The following CPQ variants were observed in gnomAD, a reference collection of about 807,000 sequenced individuals.
CPQ encodes the protein Ser-Met dipeptidase.
In CPQ, 37 loss-of-function variants were observed where a neutral mutation model predicts 45.7. That is an observed-to-expected ratio of 0.81 (90% confidence interval 0.62 to 1.07). CPQ has a LOEUF of 1.07. Among genes scored for constraint, CPQ ranks in the 50% least tolerant of loss-of-function variants. The pLI, the probability that CPQ is intolerant of heterozygous loss-of-function variation, is 0.00. For missense variants in CPQ, 537 were observed against 572.9 expected (o/e 0.94, Z 0.64); for synonymous variants, 186 against 205.8 (o/e 0.90, Z 0.82).
At chr8:97,137,315 C>G (rs1235036872) in intron 7 of CPQ, among the ~76,000 whole-genome samples, 1 of 152,186 alleles carries the variant, frequency 6.6e-6, no homozygotes, top group Non-Finnish European at 1.5e-5. Context: ...CTTTAAGAAG[C>G]TCTGACTGGG....
At chr8:96,793,348 G>A (rs1810877749) in intron 2 of CPQ, among the ~76,000 whole-genome samples, 1 of 152,174 alleles carries the variant, frequency 6.6e-6, no homozygotes, top group Non-Finnish European at 1.5e-5. Context: ...GTGGCAGAAA[G>A]TGAAAGGCAT....
At chr8:96,927,142 T>C (rs1481662874) in intron 4 of CPQ, among the ~76,000 whole-genome samples, 9 of 152,224 alleles carry the variant, frequency 5.9e-5, no homozygotes, top group Admixed American at 5.2e-4. Flanking sequence ...ATTCTATTTA[T>C]ATACTGCCTT....
At chr8:96,904,407 G>GTTTTTGT (rs1443595917) in intron 4 of CPQ, among the ~76,000 whole-genome samples, 1 of 152,048 alleles carries the variant, frequency 6.6e-6, no homozygotes, top group Non-Finnish European at 1.5e-5. Flanking sequence ...TTGTTGTTTT[G>GTTTTTGT]TTTTTGTTTT....
At chr8:96,677,089 G>A (rs550399406) in intron 1 of CPQ, among the ~76,000 whole-genome samples, 3 of 152,194 alleles carry the variant, frequency 2.0e-5, no homozygotes, top group Non-Finnish European at 4.4e-5. Context: ...GGGCACTTTG[G>A]TTGGTTCCAT....
intron 2 of CPQ, among the ~76,000 whole-genome samples, chr8:96,797,608 A>G (rs1163695730): frequency 1.3e-5 from 2 of 152,174 alleles, no homozygotes; most frequent in African/African-American, 4.8e-5. Flanking sequence ...TGTTTGTCAC[A>G]TTTGCCATAT....
intron 4 of CPQ, among the ~76,000 whole-genome samples, chr8:96,910,680 A>C (rs1292131851): frequency 2.0e-5 from 3 of 152,024 alleles, no homozygotes; most frequent in Non-Finnish European, 1.5e-5. Context: ...AATTTTTTGT[A>C]TATTTAGTAG....
intron 1 of CPQ, among the ~76,000 whole-genome samples, chr8:96,678,434 T>C (rs905135825): frequency 6.6e-6 from 1 of 152,186 alleles, no homozygotes; most frequent in East Asian, 1.9e-4. Context: ...AAACACCCAA[T>C]AGTGGGATTG....
intron 3 of CPQ, among the ~76,000 whole-genome samples, chr8:96,843,373 G>A (rs1247147106): frequency 6.6e-6 from 1 of 152,086 alleles, no homozygotes; most frequent in Non-Finnish European, 1.5e-5. Flanking sequence ...GGGATTGAGG[G>A]AAGGAAGAAA....
At chr8:96,883,167 C>T (rs1812251922) in intron 4 of CPQ, among the ~76,000 whole-genome samples, 2 of 152,132 alleles carry the variant, frequency 1.3e-5, no homozygotes, top group South Asian at 4.1e-4. Context: ...TTCGTTTATC[C>T]ATTCAGCAAT....
intron 1 of CPQ, among the ~76,000 whole-genome samples, chr8:96,766,626 G>A (rs144944426): frequency 1.5e-3 from 222 of 152,282 alleles, no homozygotes; most frequent in Non-Finnish European, 2.4e-3. Context: ...AAAAGAATGA[G>A]TTAGTAATGA....
At chr8:97,060,405 A>T (rs987462803) in intron 6 of CPQ, among the ~76,000 whole-genome samples, 17 of 152,122 alleles carry the variant, frequency 1.1e-4, no homozygotes, top group Non-Finnish European at 1.6e-4. Flanking sequence ...CTCAACCCTG[A>T]GCAGATATTA....
chr8:96,688,669 C>T (rs899606699), intron 1 of CPQ, among the ~76,000 whole-genome samples: 7 of 152,050 alleles, frequency 4.6e-5, no homozygotes, highest in African/African-American at 1.4e-4. Flanking sequence ...GCAAAATTGA[C>T]GGTACTATAT....
intron 3 of CPQ, among the ~76,000 whole-genome samples, chr8:96,849,129 T>C (rs1811738614): frequency 6.6e-6 from 1 of 152,234 alleles, no homozygotes; most frequent in Non-Finnish European, 1.5e-5. Flanking sequence ...ATGCATTTGC[T>C]CTTTGAGCTC....
At chr8:96,938,149 T>C (rs1017415796) in intron 4 of CPQ, among the ~76,000 whole-genome samples, 5 of 152,226 alleles carry the variant, frequency 3.3e-5, no homozygotes, top group Non-Finnish European at 7.4e-5. Flanking sequence ...TTCTCTTGTG[T>C]ATCTTTTTAG....
At chr8:96,874,250 C>A (rs1301140621) in intron 3 of CPQ, among the ~76,000 whole-genome samples, 1 of 151,720 alleles carries the variant, frequency 6.6e-6, no homozygotes, top group African/African-American at 2.4e-5. Context: ...TACTAGGATT[C>A]TCTCCTTAAA....
At chr8:97,072,225 T>G (rs1278516283) in intron 7 of CPQ, among the ~76,000 whole-genome samples, 1 of 152,108 alleles carries the variant, frequency 6.6e-6, no homozygotes, top group Non-Finnish European at 1.5e-5. Context: ...AGAAGCTGTT[T>G]GAGAAAAATT....
chr8:97,006,219 G>A (rs571972956), intron 5 of CPQ, among the ~76,000 whole-genome samples: 19 of 152,180 alleles, frequency 1.2e-4, no homozygotes, highest in Non-Finnish European at 2.4e-4. Context: ...TTGAAACTGA[G>A]AAGACTGTTA....
At position 97,029,501 on chromosome 8, in the gene CPQ, A is replaced by T; in HGVS notation, c.1053+7A>T. The T allele has an allele frequency of 6.3e-7, 1 of 1,597,118 alleles. No homozygotes were observed. Among genetic ancestry groups the T allele is most frequent in the Non-Finnish European group, 8.5e-7 (1 of 1,170,146 alleles). On this transcript the variant is annotated splice_region_variant and intron_variant, in intron 6 of 7. Transcript: ENST00000220763. ...GTATTATCAGTTACACAAGGTAAAA[A>T]CCCAGCTGTGGATTGCTAAGCATTT...
At chr8:97,139,112 A>G (rs2130631728) in intron 7 of CPQ, among the ~76,000 whole-genome samples, 1 of 152,328 alleles carries the variant, frequency 6.6e-6, no homozygotes, top group South Asian at 2.1e-4. Context: ...TGCAAAAAGA[A>G]CTAGGTGTGC....
Sources: allele counts gnomAD v4.1 joint callset (sites outside exome capture counted in the v4.1 genomes callset), GRCh38; gene constraint gnomAD v4.1.1; transcripts MANE v1.5; gene names NCBI Gene and HGNC (gene_info 2026-07-23, HGNC 2026-07-21).